Variants in SPAG17 observed in about 807,000 individuals in gnomAD.
SPAG17 encodes the protein sperm associated antigen 17.
SPAG17 carries 169 observed loss-of-function variants against 273.6 expected under a neutral mutation model. The ratio of observed to expected loss-of-function variants is 0.62; its 90% CI spans 0.55 to 0.70. The LOEUF (loss-of-function observed/expected upper bound fraction) is 0.70. Ranked by LOEUF, SPAG17 falls within the 30% of genes least tolerant of loss-of-function variation. The pLI, the probability that SPAG17 is intolerant of heterozygous loss-of-function variation, is 0.00. For missense variants in SPAG17, 2,557 were observed against 2,627.8 expected, an observed-to-expected ratio of 0.97 and a Z score of 0.59; for synonymous variants, 825 against 873.2, an observed-to-expected ratio of 0.94 and a Z score of 0.97.
intron 27 of SPAG17, among the ~76,000 whole-genome samples, chr1:118,024,887 C>T (rs547967257): frequency 3.4e-4 from 51 of 152,232 alleles, no homozygotes; most frequent in African/African-American, 1.1e-3. Context: ...AAGAAATTAT[C>T]GAAATCTTCT....
At chr1:117,983,246 A>G (rs1656031087) in intron 42 of SPAG17, among the ~76,000 whole-genome samples, 1 of 152,202 alleles carries the variant, frequency 6.6e-6, no homozygotes, top group South Asian at 2.1e-4. Flanking sequence ...TATCACGAGA[A>G]CAGCACGGGA....
At chr1:118,021,066 C>T (rs1660452150) in intron 28 of SPAG17, among the ~76,000 whole-genome samples, 1 of 151,944 alleles carries the variant, frequency 6.6e-6, no homozygotes, top group Non-Finnish European at 1.5e-5. Flanking sequence ...AGAATTGTAA[C>T]AATCTGAGGA....
intron 43 of SPAG17, among the ~76,000 whole-genome samples, chr1:117,979,058 G>T (rs898531475): frequency 6.6e-6 from 1 of 151,908 alleles, no homozygotes; most frequent in Admixed American, 6.6e-5. Context: ...TAGTAGAAAC[G>T]GGGTTTCAGC....
At chr1:118,015,198 T>G (rs1397433098) in intron 29 of SPAG17, among the ~76,000 whole-genome samples, 1 of 151,340 alleles carries the variant, frequency 6.6e-6, no homozygotes, top group African/African-American at 2.4e-5. Flanking sequence ...GGCAGGAGAA[T>G]TGCTTGAACT....
At chr1:117,984,497 G>A (rs1472967354) in intron 41 of SPAG17, among the ~76,000 whole-genome samples, 186 bp downstream of exon 41, 1 of 152,172 alleles carries the variant, frequency 6.6e-6, no homozygotes, top group Non-Finnish European at 1.5e-5. Context: ...TAGGTGCAAG[G>A]CCTGAAATTA....
At chr1:118,088,245 C>G (rs1262011863) in intron 10 of SPAG17, among the ~76,000 whole-genome samples, 2 of 152,148 alleles carry the variant, frequency 1.3e-5, no homozygotes, top group African/African-American at 4.8e-5. Context: ...TATTATTAAG[C>G]CTTCGTTCAT....
chr1:118,147,054 A>G (rs769202425), intron 3 of SPAG17, among the ~76,000 whole-genome samples: 2 of 152,100 alleles, frequency 1.3e-5, no homozygotes, highest in Non-Finnish European at 2.9e-5. Flanking sequence ...TATTTTCTGC[A>G]TTGTGTTATT....
intron 28 of SPAG17, 122 bp downstream of exon 28, chr1:118,023,182 G>A: frequency 1.6e-6 from 1 of 618,986 alleles, no homozygotes; most frequent in Non-Finnish European, 2.5e-6. Context: ...GTATGTATAA[G>A]AATATATAAA....
intron 10 of SPAG17, among the ~76,000 whole-genome samples, chr1:118,090,347 T>C (rs1270904738): frequency 2.0e-5 from 3 of 152,260 alleles, no homozygotes; most frequent in South Asian, 2.1e-4. Context: ...TGCCTACTGA[T>C]TATAATGTTA....
chr1:118,023,268 T>A, intron 28 of SPAG17, 36 bp downstream of exon 28: 1 of 1,567,438 alleles, frequency 6.4e-7, no homozygotes, highest in Non-Finnish European at 8.7e-7. Flanking sequence ...AAGGCTTTAC[T>A]AAATCCATAA....
intron 48 of SPAG17, chr1:117,954,778 AT>A (rs1404698524): frequency 1.1e-6 from 1 of 873,362 alleles, no homozygotes; most frequent in Non-Finnish European, 1.7e-6. Context: ...TCTCTAGGAT[AT>A]TTTGTATTTC....
rs1270256227 is a variant in SPAG17 at position 118,073,901 on chromosome 1, TTAGAC to T, written c.2333_2337del (p.Ser778AsnfsTer7). On this transcript the variant is annotated frameshift_variant, in exon 17 of 49. Coordinates refer to ENST00000336338, the MANE Select transcript of SPAG17 (RefSeq NM_206996.4). LOFTEE classifies it high-confidence loss of function. ...AAATGTTCAGTAAAACTCCAGTCCA[TTAGAC>T]TGCGCTGCTGTGTTTTCTTTATGTC... 6.3e-7 allele frequency: 1 copy of T among 1,577,034 alleles called. No individual in the cohort carries two copies. The highest frequency in any genetic ancestry group is 2.3e-5 in the East Asian group (1 of 42,954).
Position 118,010,284 on chromosome 1 carries a change from C to G in SPAG17, c.4432+1944G>C, listed in dbSNP as rs534545953. Among the ~76,000 whole-genome samples, 8 of 149,282 alleles carry G rather than the reference C, an allele frequency of 5.4e-5. No homozygotes were observed. The South Asian group carries it at 1.7e-3, about 32-fold the overall frequency. ...AGAACAAAGCTGGAGGCAACCGTAA[C>G]CGTGCTACTCAACTATAAGCTATAC... On this transcript the variant is annotated intron_variant, in intron 30 of 48. Transcript: ENST00000336338.
At chr1:117,989,326 C>T (rs1343473309) in intron 38 of SPAG17, among the ~76,000 whole-genome samples, 1 of 152,014 alleles carries the variant, frequency 6.6e-6, no homozygotes, top group East Asian at 1.9e-4. Flanking sequence ...CCTTAGGCTA[C>T]TTCCACTCAT....
chr1:117,998,378 T>C (rs1017330087), intron 32 of SPAG17, among the ~76,000 whole-genome samples: 2 of 152,154 alleles, frequency 1.3e-5, no homozygotes, highest in Non-Finnish European at 2.9e-5. Context: ...TGTGCAACTT[T>C]ATATCTGGGC....
intron 26 of SPAG17, among the ~76,000 whole-genome samples, chr1:118,025,735 T>G (rs977908192): frequency 4.6e-5 from 7 of 152,068 alleles, no homozygotes; most frequent in African/African-American, 1.7e-4. Flanking sequence ...CAAGCGATCC[T>G]CCCACCTCAG....
intron 1 of SPAG17, among the ~76,000 whole-genome samples, chr1:118,168,151 A>G (rs1043879518): frequency 4.6e-5 from 7 of 152,214 alleles, no homozygotes; most frequent in African/African-American, 1.7e-4. Flanking sequence ...ATGGGCTTAT[A>G]TTGATGAATT....
intron 24 of SPAG17, among the ~76,000 whole-genome samples, chr1:118,032,129 T>G (rs1334813429): frequency 6.6e-6 from 1 of 152,198 alleles, no homozygotes; most frequent in Non-Finnish European, 1.5e-5. Context: ...CCATCTACAT[T>G]GTAAACTCCT....
intron 6 of SPAG17, 30 bp from the exon 7 acceptor site, chr1:118,097,881 A>C (rs776480973): frequency 6.8e-7 from 1 of 1,472,620 alleles, no homozygotes; most frequent in East Asian, 2.3e-5. Flanking sequence ...TATATTACCA[A>C]ATGAGAGTGT....
Sources: allele counts gnomAD v4.1 joint callset (sites outside exome capture counted in the v4.1 genomes callset), GRCh38; gene constraint gnomAD v4.1.1; transcripts MANE v1.5; gene names NCBI Gene and HGNC (gene_info 2026-07-23, HGNC 2026-07-21).